The following CTNNA3 variants were observed in gnomAD, a reference collection of about 807,000 sequenced individuals.
CTNNA3 encodes catenin alpha 3.
A neutral mutation model predicts 95.7 loss-of-function variants in CTNNA3; 76 were observed. The observed-to-expected ratio is 0.79, with a 90% CI of 0.66 to 0.96. The LOEUF is 0.96. Among genes scored for constraint, CTNNA3 ranks in the 40% least tolerant of loss-of-function variants. The probability of loss-of-function intolerance (pLI) is 0.00; values close to 1 mark genes in which losing one functional copy is unlikely to be tolerated. For synonymous variants in CTNNA3, 431 were observed against 374.4 expected (o/e 1.15, Z -1.74); for missense variants, 1,191 against 1,089.8 (o/e 1.09, Z -1.31).
chr10:67,340,044 T>G (rs1842126263), intron 5 of CTNNA3, among the ~76,000 whole-genome samples: 1 of 152,198 alleles, frequency 6.6e-6, no homozygotes, highest in Admixed American at 6.5e-5. Flanking sequence ...TAAAATAATA[T>G]TGTTCATTAA....
chr10:66,050,315 TTTTCC>T (rs1177576026), intron 15 of CTNNA3, among the ~76,000 whole-genome samples: 1 of 146,828 alleles, frequency 6.8e-6, no homozygotes, highest in Non-Finnish European at 1.5e-5. Context: ...AGAATTATCT[TTTTCC>T]TTTAATTCAC....
chr10:66,820,198 T>TA (rs1482854589), intron 7 of CTNNA3, among the ~76,000 whole-genome samples: 1 of 152,134 alleles, frequency 6.6e-6, no homozygotes, highest in Non-Finnish European at 1.5e-5. Context: ...ACATCATGGA[T>TA]AAACTTTGAA....
At chr10:66,407,790 A>G (rs1338123593) in intron 11 of CTNNA3, among the ~76,000 whole-genome samples, 1 of 152,162 alleles carries the variant, frequency 6.6e-6, no homozygotes, top group Non-Finnish European at 1.5e-5. Context: ...CATCTTGGCC[A>G]GGCTGGTCTC....
chr10:66,408,258 T>C (rs112161732), intron 11 of CTNNA3, among the ~76,000 whole-genome samples: 1,600 of 152,328 alleles, frequency 0.011, 36 homozygotes, highest in African/African-American at 0.036. Context: ...ATGGAACCCA[T>C]GGATGTGGAA....
rs76366178 is a variant in CTNNA3, at chr10:66,956,217, C to T, written c.1048-180693G>A. 1.4e-3 allele frequency among the ~76,000 whole-genome samples: 208 copies of T among 149,806 alleles called. 1 individual carries two copies. The highest frequency in any genetic ancestry group is 4.7e-3 in the African/African-American group (189 of 40,600). ...AATTAACACAAAGGTGATGGATAGGCCAGTGGCTGTCTTGTGCAAATCTAG... is the reference window on the plus strand; with the variant it reads ...AATTAACACAAAGGTGATGGATAGGTCAGTGGCTGTCTTGTGCAAATCTAG... On this transcript the variant is annotated intron_variant, in intron 7 of 17. Transcript: ENST00000433211.
chr10:66,670,593 T>A (rs185945590), intron 9 of CTNNA3, among the ~76,000 whole-genome samples: 26 of 152,284 alleles, frequency 1.7e-4, no homozygotes, highest in Admixed American at 2.6e-4. Flanking sequence ...ACCGACTGAT[T>A]TTTCTGTTCT....
intron 7 of CTNNA3, among the ~76,000 whole-genome samples, chr10:67,043,394 C>G (rs1382547017): frequency 6.6e-6 from 1 of 152,108 alleles, no homozygotes; most frequent in African/African-American, 2.4e-5. Context: ...CCAAAACATG[C>G]TACTGAAACC....
In CTNNA3 at chr10:66,833,040, A is replaced by G. The variant is rs1488532101; in HGVS notation, c.1048-57516T>C. ...TTGTGCGATAGATTATTTTTACTCT[A>G]AAAGAAGAATTTTATTTATATCCAT... On this transcript the variant is annotated intron_variant, in intron 7 of 17. Transcript: ENST00000433211. Among the ~76,000 whole-genome samples, 6 of 152,176 alleles carry G rather than the reference A, an allele frequency of 3.9e-5. No individual in the cohort carries two copies. The East Asian group carries it at 1.2e-3, about 29-fold the overall frequency.
At chr10:67,326,917 T>G (rs891026782) in intron 5 of CTNNA3, among the ~76,000 whole-genome samples, 2 of 152,196 alleles carry the variant, frequency 1.3e-5, no homozygotes, top group Non-Finnish European at 2.9e-5. Context: ...GTTTTGTTTG[T>G]TCCTTTTCAT....
chr10:66,309,581 G>A (rs1017046986), intron 12 of CTNNA3, among the ~76,000 whole-genome samples: 11 of 151,108 alleles, frequency 7.3e-5, no homozygotes, highest in African/African-American at 2.2e-4. Context: ...TCCCAGCTGG[G>A]AGGCTGAGGC....
intron 9 of CTNNA3, among the ~76,000 whole-genome samples, chr10:66,675,459 T>C (rs1846820181): frequency 6.6e-6 from 1 of 152,102 alleles, no homozygotes; most frequent in South Asian, 2.1e-4. Context: ...AAAATATTCA[T>C]TATTTTTATG....
At chr10:66,591,325 G>A (rs1843543255) in intron 10 of CTNNA3, among the ~76,000 whole-genome samples, 1 of 152,104 alleles carries the variant, frequency 6.6e-6, no homozygotes. Flanking sequence ...AGATTGTTGG[G>A]AATATTATCA....
intron 13 of CTNNA3, among the ~76,000 whole-genome samples, chr10:66,113,219 A>T (rs1416162948): frequency 1.3e-5 from 2 of 151,846 alleles, no homozygotes; most frequent in Admixed American, 6.6e-5. Flanking sequence ...CATGATGATT[A>T]GTGGTACTCT....
chr10:66,257,404 A>T (rs1362347578), intron 13 of CTNNA3, among the ~76,000 whole-genome samples: 1 of 152,178 alleles, frequency 6.6e-6, no homozygotes, highest in East Asian at 1.9e-4. Flanking sequence ...TCCTTTCCTC[A>T]TTCCTTTTAG....
At chr10:66,102,215 C>T (rs1246936213) in intron 14 of CTNNA3, among the ~76,000 whole-genome samples, 1 of 152,114 alleles carries the variant, frequency 6.6e-6, no homozygotes, top group Non-Finnish European at 1.5e-5. Context: ...ATTTAACTAA[C>T]TTAATAATAA....
At chr10:67,710,698 T>C (rs1353786126) in intron 1 of CTNNA3, among the ~76,000 whole-genome samples, 1 of 152,198 alleles carries the variant, frequency 6.6e-6, no homozygotes, top group Non-Finnish European at 1.5e-5. Context: ...TTGTAAACCA[T>C]TATCTGTATT....
At chr10:66,511,435 T>C (rs955632540) in intron 11 of CTNNA3, among the ~76,000 whole-genome samples, 2 of 151,158 alleles carry the variant, frequency 1.3e-5, no homozygotes, top group African/African-American at 4.8e-5. Flanking sequence ...TTCTTGCTTT[T>C]CTATTTTTTG....
intron 1 of CTNNA3, among the ~76,000 whole-genome samples, chr10:67,687,632 G>C (rs1840759286): frequency 6.6e-6 from 1 of 152,208 alleles, no homozygotes; most frequent in East Asian, 1.9e-4. Flanking sequence ...CAGGGCGCAA[G>C]GCTCGCTTTT....
chr10:66,366,212 G>C (rs2092710252), intron 12 of CTNNA3, among the ~76,000 whole-genome samples: 1 of 152,098 alleles, frequency 6.6e-6, no homozygotes, highest in African/African-American at 2.4e-5. Flanking sequence ...GCCATAAAAG[G>C]CTGAGTCAGT....
Sources: allele counts gnomAD v4.1 joint callset (sites outside exome capture counted in the v4.1 genomes callset), GRCh38; gene constraint gnomAD v4.1.1; transcripts MANE v1.5; gene names NCBI Gene and HGNC (gene_info 2026-07-23, HGNC 2026-07-21).